MSRA: variants seen among roughly 807,000 people sequenced by gnomAD.
MSRA encodes methionine sulfoxide reductase A.
Under a neutral mutation model 31.3 loss-of-function variants are expected in MSRA, and 54 were observed. The ratio of observed to expected loss-of-function variants is 1.73; its 90% CI spans 1.39 to 2.17. The LOEUF (loss-of-function observed/expected upper bound fraction) is 2.17. Among genes scored for constraint, MSRA ranks in the 30% most tolerant of loss-of-function variants. MSRA has a pLI of 0.00. For synonymous variants in MSRA, 169 were observed against 116.5 expected (o/e 1.45, Z -2.90); for missense variants, 507 against 300.9 (o/e 1.69, Z -5.07).
intron 5 of MSRA, among the ~76,000 whole-genome samples, chr8:10,383,658 A>G (rs1402544625): frequency 6.6e-6 from 1 of 152,206 alleles, no homozygotes; most frequent in Non-Finnish European, 1.5e-5. Context: ...ACCTTATTCC[A>G]GGAAGCGGGA....
At chr8:10,217,193 C>T (rs1436016026) in intron 2 of MSRA, among the ~76,000 whole-genome samples, 1 of 152,128 alleles carries the variant, frequency 6.6e-6, no homozygotes, top group South Asian at 2.1e-4. Flanking sequence ...GATTCTGGAA[C>T]CAGAAAGAAA....
intron 5 of MSRA, among the ~76,000 whole-genome samples, chr8:10,371,496 A>G (rs1203490406): frequency 3.9e-5 from 6 of 152,142 alleles, no homozygotes; most frequent in African/African-American, 1.2e-4. Flanking sequence ...TCTCGTTCTC[A>G]GGTTTTTGCC....
intron 3 of MSRA, among the ~76,000 whole-genome samples, chr8:10,276,494 C>G (rs1342177917): frequency 6.6e-6 from 1 of 152,202 alleles, no homozygotes; most frequent in Non-Finnish European, 1.5e-5. Context: ...CTCAATGGAG[C>G]AGTCTGCCCA....
intron 5 of MSRA, among the ~76,000 whole-genome samples, chr8:10,346,416 C>G (rs1201457195): frequency 6.6e-6 from 1 of 152,210 alleles, no homozygotes; most frequent in African/African-American, 2.4e-5. Flanking sequence ...ACTCTAGGGA[C>G]TGTGCATCCC....
chr8:10,373,017 G>A (rs758476830), intron 5 of MSRA, among the ~76,000 whole-genome samples: 3 of 152,214 alleles, frequency 2.0e-5, no homozygotes, highest in Non-Finnish European at 4.4e-5. Flanking sequence ...AGCCTCCCAA[G>A]TAGCTGGGAT....
At chr8:10,060,759 G>A (rs184530874) in intron 1 of MSRA, among the ~76,000 whole-genome samples, 10 of 151,662 alleles carry the variant, frequency 6.6e-5, no homozygotes, top group Admixed American at 5.2e-4. Flanking sequence ...GAGTGAAATC[G>A]GAATAAGTTA....
chr8:10,116,496 C>A (rs1021783533), intron 1 of MSRA, among the ~76,000 whole-genome samples: 1 of 152,206 alleles, frequency 6.6e-6, no homozygotes, highest in Non-Finnish European at 1.5e-5. Context: ...GTACAGAGAA[C>A]AAAGAGGTGG....
At chr8:10,304,516 T>C (rs1801019790) in intron 4 of MSRA, among the ~76,000 whole-genome samples, 1 of 152,210 alleles carries the variant, frequency 6.6e-6, no homozygotes, top group Admixed American at 6.5e-5. Flanking sequence ...GAGTTGATAT[T>C]CCTGGGGAAC....
chr8:10,156,054 A>G (rs1188681519), intron 1 of MSRA, among the ~76,000 whole-genome samples: 1 of 152,134 alleles, frequency 6.6e-6, no homozygotes. Flanking sequence ...GTGATGCGGT[A>G]GGAGGATACC....
intron 1 of MSRA, among the ~76,000 whole-genome samples, chr8:10,140,508 A>T (rs1469022158): frequency 6.6e-6 from 1 of 152,216 alleles, no homozygotes; most frequent in Non-Finnish European, 1.5e-5. Flanking sequence ...GAGATTTGGA[A>T]TTTGATGGCC....
chr8:10,169,370 C>T (rs1265850171), intron 1 of MSRA, among the ~76,000 whole-genome samples: 1 of 152,238 alleles, frequency 6.6e-6, no homozygotes, highest in Non-Finnish European at 1.5e-5. Context: ...TGCTCTGATT[C>T]TTGCCTGTTT....
At chr8:10,155,472 C>G (rs1301164950) in intron 1 of MSRA, among the ~76,000 whole-genome samples, 2 of 152,194 alleles carry the variant, frequency 1.3e-5, no homozygotes, top group Non-Finnish European at 2.9e-5. Flanking sequence ...CTCTCTCTCA[C>G]TTTTCTAGTT....
intron 1 of MSRA, among the ~76,000 whole-genome samples, chr8:10,126,407 G>T (rs543911774): frequency 3.3e-4 from 51 of 152,296 alleles, no homozygotes; most frequent in Non-Finnish European, 5.3e-4. Context: ...TGGCACCAGG[G>T]ACTGGTTTCA....
intron 1 of MSRA, among the ~76,000 whole-genome samples, chr8:10,085,198 C>T (rs1798497205): frequency 6.6e-6 from 1 of 152,106 alleles, no homozygotes. Context: ...GCCAGACAGC[C>T]CACTGATGAC....
rs559789428 is a variant in MSRA, at chr8:10,082,148, T to C, written c.142+27490T>C. The stretch of plus-strand genomic sequence containing the variant: ...TTGAGCACAGGAGGTCAAGACTGAG[T>C]GAGCTGTGATGGTGCCACTATACTC... On this transcript the variant is annotated intron_variant, in intron 1 of 5. Transcript: ENST00000317173. 3.9e-5 allele frequency among the ~76,000 whole-genome samples: 6 copies of C among 152,034 alleles called. No individual in the cohort carries two copies. In the South Asian group the frequency reaches 1.3e-3, roughly 32 times the overall value.
intron 1 of MSRA, among the ~76,000 whole-genome samples, chr8:10,164,502 A>C (rs563488838): frequency 1.3e-5 from 2 of 152,246 alleles, no homozygotes; most frequent in South Asian, 4.1e-4. Context: ...CTTCCTCTCT[A>C]GGACTCCTGA....
In MSRA at chr8:10,230,795, TTTAA is replaced by T. The variant is rs1471526262; in HGVS notation, c.212-14306_212-14303del. 2.0e-5 allele frequency among the ~76,000 whole-genome samples: 3 copies of T among 152,130 alleles called. No individual in the cohort carries two copies. In the East Asian group the frequency reaches 5.8e-4, roughly 29 times the overall value. On this transcript the variant is annotated intron_variant, in intron 2 of 5. Transcript: ENST00000317173. ...TTTGTGGGTTTGTTGTTGTTGTGGT[TTTAA>T]TTGAGATGGAGTTTTGCTCTCGTTG...
At chr8:10,381,781 C>G (rs1336407935) in intron 5 of MSRA, among the ~76,000 whole-genome samples, 2 of 152,170 alleles carry the variant, frequency 1.3e-5, no homozygotes, top group African/African-American at 2.4e-5. Flanking sequence ...CTGATGAGAC[C>G]TTTGCTTCCG....
At chr8:10,286,373 C>G (rs1461627316) in intron 3 of MSRA, among the ~76,000 whole-genome samples, 1 of 152,160 alleles carries the variant, frequency 6.6e-6, no homozygotes, top group Non-Finnish European at 1.5e-5. Flanking sequence ...CACGAGATCT[C>G]ATGGTTATAA....
Sources: allele counts gnomAD v4.1 joint callset (sites outside exome capture counted in the v4.1 genomes callset), GRCh38; gene constraint gnomAD v4.1.1; transcripts MANE v1.5; gene names NCBI Gene and HGNC (gene_info 2026-07-23, HGNC 2026-07-21).